SEC16A: variants seen among roughly 807,000 people sequenced by gnomAD.
SEC16A encodes the protein protein transport protein Sec16A.
SEC16A carries 110 observed loss-of-function variants against 221.9 expected under a neutral mutation model. The observed-to-expected ratio is 0.50, with a 90% CI of 0.42 to 0.58. The LOEUF (loss-of-function observed/expected upper bound fraction) is 0.58, where lower values mean the gene tolerates loss of function less well. SEC16A is among the 20% of genes least tolerant of loss of function. SEC16A has a pLI of 0.00. For synonymous variants in SEC16A, 1,393 were observed against 1,257.7 expected, an observed-to-expected ratio of 1.11 and a Z score of -2.28; for missense variants, 3,165 against 3,097.8, an observed-to-expected ratio of 1.02 and a Z score of -0.52.
intron 12 of SEC16A, 97 bp from the exon 13 acceptor site, chr9:136,461,371 A>G: frequency 2.3e-6 from 2 of 851,762 alleles, no homozygotes; most frequent in Non-Finnish European, 3.9e-6. Context: ...CAGCAGATAC[A>G]CAAACAACCC....
chr9:136,483,093 A>AG (rs1022831644), upstream of SEC16A: 1 of 890,418 alleles, frequency 1.1e-6, no homozygotes, highest in African/African-American at 1.8e-5. Flanking sequence ...TTACGACATC[A>AG]GCGCGCGCCC....
At position 136,466,249 on chromosome 9, in the gene SEC16A, G is replaced by C; in HGVS notation, c.4128+15C>G. ...AACACAACCGTCCGCGTGTCTGTGAGGCGCCGCCGCGTACCTGGTGCGAGT... is the reference window on the plus strand; with the variant it reads ...AACACAACCGTCCGCGTGTCTGTGACGCGCCGCCGCGTACCTGGTGCGAGT... On this transcript the variant is annotated intron_variant, in intron 7 of 31. Coordinates refer to ENST00000684901, the MANE Select transcript of SEC16A (RefSeq NM_014866.2). This position sits in a 1 kb window ranked among gnomAD's most constrained non-coding sequence, Gnocchi z 5.5. 1 of 1,585,048 alleles carries C rather than the reference G, an allele frequency of 6.3e-7. No homozygotes were observed. The highest frequency in any genetic ancestry group is 8.6e-7 in the Non-Finnish European group (1 of 1,163,950).
At chr9:136,449,415 A>G (rs1837477576) in intron 23 of SEC16A, among the ~76,000 whole-genome samples, 1 of 152,090 alleles carries the variant, frequency 6.6e-6, no homozygotes, top group Admixed American at 6.5e-5. Flanking sequence ...ATGCATGGCT[A>G]ATTTTTGTAT....
In SEC16A at chr9:136,478,841, AAAAT is replaced by A. The variant is rs1841976281; in HGVS notation, c.-191-15_-191-12del. On this transcript the variant is annotated splice_polypyrimidine_tract_variant and intron_variant, in intron 1 of 31. Transcript: ENST00000684901. Reference sequence around the variant, plus strand: ...AGAGCAAGACGGTCTCTATTTTAAAAAAATAAATAAATAAAAAGTGACACAATCA... The same window carrying A: ...AGAGCAAGACGGTCTCTATTTTAAAAAAATAAATAAAAAGTGACACAATCA... Among the ~76,000 whole-genome samples, 1 of 152,374 alleles carries A rather than the reference AAAAT, an allele frequency of 6.6e-6. No individual in the cohort carries two copies. Among genetic ancestry groups the A allele is most frequent in the African/African-American group, 2.4e-5 (1 of 41,590 alleles).
Position 136,451,635 on chromosome 9 carries a change from A to G in SEC16A, c.6160-227T>C, listed in dbSNP as rs56368143. 2.5e-3 allele frequency among the ~76,000 whole-genome samples: 373 copies of G among 152,226 alleles called. 2 individuals are homozygous for G. Among genetic ancestry groups the G allele is most frequent in the African/African-American group, 8.6e-3 (356 of 41,504 alleles). ...TAGAGAAGAGCCAGCCGCACTTAAT[A>G]AGCAGCTCCGTCTGGGAGCACTCAG... is the stretch of plus-strand genomic sequence containing the variant. On this transcript the variant is annotated intron_variant, in intron 22 of 31. Coordinates refer to ENST00000684901, the MANE Select transcript of SEC16A (RefSeq NM_014866.2).
At chr9:136,473,966 T>C in intron 3 of SEC16A, 83 bp downstream of exon 3, 1 of 1,429,496 alleles carries the variant, frequency 7.0e-7, no homozygotes, top group Non-Finnish European at 9.5e-7. Flanking sequence ...GAACAAACAC[T>C]ACTAAGGAAT....
intron 20 of SEC16A, 22 bp downstream of exon 20, chr9:136,455,579 G>C (rs1838524257): frequency 6.5e-7 from 1 of 1,528,500 alleles, no homozygotes; most frequent in Non-Finnish European, 8.8e-7. Flanking sequence ...TCTGAGGGCA[G>C]CAGCCGCGCA....
In SEC16A at chr9:136,440,186, G is replaced by A. The variant is rs576951425; in HGVS notation, c.*1569C>T. The A allele has an allele frequency of 2.0e-5, 3 of 152,530 alleles. No individual in the cohort carries two copies. Among genetic ancestry groups the A allele is most frequent in the Admixed American group, 1.3e-4 (2 of 15,306 alleles). The allele number at this position is 152,530 out of a possible 1,614,324, so 9.4% of individuals were successfully genotyped here. A position where few individuals can be genotyped will look rare whatever the true frequency, so the allele number is the denominator to read the frequency against. On this transcript the variant is annotated 3_prime_UTR_variant, in exon 32 of 32. Transcript: ENST00000684901. ...GGAAAAATAGCCGCTCCCGCCTGGAGGAAGCTTCTTGAATCAAAAGTCGTG... is the reference window on the plus strand; with the variant it reads ...GGAAAAATAGCCGCTCCCGCCTGGAAGAAGCTTCTTGAATCAAAAGTCGTG...
At chr9:136,472,181 G>A in intron 3 of SEC16A, 70 bp from the exon 4 acceptor site, 2 of 1,585,824 alleles carry the variant, frequency 1.3e-6, no homozygotes, top group Non-Finnish European at 1.7e-6. Context: ...GCCAGCCTGA[G>A]CTGGAAACAT....
At chr9:136,468,871 G>C (rs1190943143) in intron 4 of SEC16A, among the ~76,000 whole-genome samples, 1 of 151,614 alleles carries the variant, frequency 6.6e-6, no homozygotes, top group Non-Finnish European at 1.5e-5. Context: ...TTTTTCTTGA[G>C]ACAGGTTTCA....
chr9:136,454,289 C>T lies in SEC16A; in HGVS notation c.5896G>A (p.Ala1966Thr), dbSNP rs1838295219. Residue 1966 changes from alanine (A) to threonine (T), a missense_variant, in exon 21 of 32, where the codon GCC (alanine) becomes ACC (threonine). Ala to Thr is a moderately conservative substitution (Grantham distance 58, BLOSUM62 0). This residue lies in a region of SEC16A where 1,088 missense variants were observed against 1,089.6 expected (regional missense o/e 1.00). Coordinates refer to ENST00000684901, the MANE Select transcript of SEC16A (RefSeq NM_014866.2). ...TLPDGPLASP[A>T]RVPMFPVPLP... ...GGCACTGGGAACATCGGCACTCTGG[C>T]AGGACTGGCCAATGGGCCGTCAGGG... is the stretch of plus-strand genomic sequence containing the variant. 1 of 1,583,008 alleles carries T rather than the reference C, an allele frequency of 6.3e-7. No homozygotes were observed. Among genetic ancestry groups the T allele is most frequent in the South Asian group, 1.2e-5 (1 of 86,518 alleles).
At chr9:136,457,616 C>A in intron 17 of SEC16A, 32 bp from the exon 18 acceptor site, 1 of 1,594,294 alleles carries the variant, frequency 6.3e-7, no homozygotes, top group Non-Finnish European at 8.6e-7. Flanking sequence ...TGCCCTGCGG[C>A]TCCCCCGCGT....
At chr9:136,446,355 C>G (rs1346281690) in intron 28 of SEC16A, among the ~76,000 whole-genome samples, 1 of 151,746 alleles carries the variant, frequency 6.6e-6, no homozygotes, top group Non-Finnish European at 1.5e-5. Flanking sequence ...GTGACCCGCC[C>G]AGCTCAGCCT....
chr9:136,456,217 G>C, intron 18 of SEC16A, 51 bp from the exon 19 acceptor site: 1 of 1,380,720 alleles, frequency 7.2e-7, no homozygotes, highest in Admixed American at 1.8e-5. Flanking sequence ...GTGATGGCAA[G>C]TGAGCCGTCT....
chr9:136,462,428 T>C (rs1481169334), intron 12 of SEC16A, among the ~76,000 whole-genome samples: 2 of 152,198 alleles, frequency 1.3e-5, no homozygotes, highest in African/African-American at 4.8e-5. Flanking sequence ...CACTGGACGC[T>C]ACACGCACTG....
Position 136,451,295 on chromosome 9 carries a change from G to A in SEC16A, c.6273C>T (p.Pro2091=), listed in dbSNP as rs770946749. 16 of 1,613,066 alleles carry A rather than the reference G, an allele frequency of 9.9e-6. No homozygotes were observed. The highest frequency in any genetic ancestry group is 5.0e-5 in the Admixed American group (3 of 59,848). The change falls in exon 23 of 32, where the codon CCC becomes CCT. Residue 2091 remains proline (P), a synonymous_variant. Coordinates refer to ENST00000684901, the MANE Select transcript of SEC16A (RefSeq NM_014866.2). The part of the protein sequence containing the change: ...SLSPAPETKR[P]GQAAKKETKE... ...TCGTTTCTTTCTTGGCTGCCTGTCC[G>A]GGTCTCTTTGTTTCGGGAGCGGGTG...
intron 8 of SEC16A, among the ~76,000 whole-genome samples, chr9:136,465,459 CAAAAAACAAACAAACAAAAAAACT>C (rs759847997): frequency 1.3e-5 from 2 of 152,256 alleles, no homozygotes; most frequent in Non-Finnish European, 2.9e-5. Flanking sequence ...TCAAAAAAAC[CAAAAAACAAACAAACAAAAAAACT>C]CAGCCTACCA....
At chr9:136,446,788 T>C (rs1837052644) in intron 28 of SEC16A, 67 bp downstream of exon 28, 8 of 1,497,544 alleles carry the variant, frequency 5.3e-6, no homozygotes, top group African/African-American at 2.8e-5. Flanking sequence ...GGCAAGGCCC[T>C]GTCTGGCAGG....
intron 5 of SEC16A, among the ~76,000 whole-genome samples, chr9:136,467,359 A>T (rs1333597465): frequency 2.6e-5 from 4 of 152,208 alleles, no homozygotes; most frequent in Non-Finnish European, 5.9e-5. Flanking sequence ...TTTCTTTATT[A>T]AGTCCTTTTT....
Sources: allele counts gnomAD v4.1 joint callset (sites outside exome capture counted in the v4.1 genomes callset), GRCh38; gene constraint gnomAD v4.1.1; regional missense constraint gnomAD v4.1.1; non-coding constraint Gnocchi (gnomAD v3.1); transcripts MANE v1.5; gene names NCBI Gene and HGNC (gene_info 2026-07-23, HGNC 2026-07-21).